Variants in MTIF3 observed in about 807,000 individuals in gnomAD.
The protein encoded by MTIF3 is mitochondrial translational initiation factor 3.
MTIF3 carries 13 observed loss-of-function variants against 20.7 expected under a neutral mutation model. That is an observed-to-expected ratio of 0.63 (90% CI 0.41 to 1.00). MTIF3 has a LOEUF of 1.00. Ranked by LOEUF, MTIF3 falls within the 50% of genes least tolerant of loss-of-function variation. MTIF3 has a pLI of 0.00. For missense variants in MTIF3, 295 were observed against 324.5 expected (o/e 0.91, Z 0.70); for synonymous variants, 114 against 112.5 (o/e 1.01, Z -0.08).
At chr13:27,438,010 C>G (rs1413382234) in intron 3 of MTIF3, among the ~76,000 whole-genome samples, 1 of 152,006 alleles carries the variant, frequency 6.6e-6, no homozygotes, top group East Asian at 1.9e-4. Flanking sequence ...GGAGAAAAAC[C>G]ATCTACGTAG....
chr13:27,438,966 C>T (rs1010973182), intron 3 of MTIF3, among the ~76,000 whole-genome samples: 44 of 152,198 alleles, frequency 2.9e-4, no homozygotes, highest in African/African-American at 1.1e-3. Context: ...GTGCTGGGAG[C>T]AGTCATCTGA....
At chr13:27,444,283 C>G (rs897985945) in intron 2 of MTIF3, among the ~76,000 whole-genome samples, 1 of 150,028 alleles carries the variant, frequency 6.7e-6, no homozygotes, top group Non-Finnish European at 1.5e-5. Flanking sequence ...CCAGCCTGGG[C>G]GACAGAGCGA....
Position 27,435,702 on chromosome 13 carries a change from A to T in MTIF3, c.810T>A (p.Asp270Glu). ...ACTGATGCAGAACATTTGATTCCTT[A>T]TCATTTCCATGGTCTTTGTTCAAAG... ...RDTLNKDHGN[D>E]KESNVLHQ The change falls in exon 5 of 5, where the codon GAT becomes GAA. Residue 270 changes from aspartate to glutamate, a missense_variant. Coordinates refer to ENST00000381120, the MANE Select transcript of MTIF3 (RefSeq NM_152912.5). 6.2e-7 allele frequency: 1 copy of T among 1,614,084 alleles called. No homozygotes were observed. Among genetic ancestry groups the T allele is most frequent in the South Asian group, 1.1e-5 (1 of 91,090 alleles).
At chr13:27,438,212 G>T (rs1953856506) in intron 3 of MTIF3, among the ~76,000 whole-genome samples, 1 of 151,104 alleles carries the variant, frequency 6.6e-6, no homozygotes, top group South Asian at 2.1e-4. Context: ...TGGGGGCCAG[G>T]TGTGCTGGCT....
chr13:27,445,486 A>C (rs1019622268), intron 1 of MTIF3, among the ~76,000 whole-genome samples: 2 of 152,152 alleles, frequency 1.3e-5, no homozygotes, highest in Non-Finnish European at 2.9e-5. Flanking sequence ...AAAAAAAAAA[A>C]AAGAAAATCA....
intron 2 of MTIF3, among the ~76,000 whole-genome samples, chr13:27,443,428 TA>T (rs1789558820): frequency 6.6e-6 from 1 of 152,234 alleles, no homozygotes; most frequent in Non-Finnish European, 1.5e-5. Flanking sequence ...GGTATTCTGC[TA>T]GGGGACTCTT....
intron 4 of MTIF3, among the ~76,000 whole-genome samples, chr13:27,436,808 G>A (rs1369086588): frequency 7.1e-6 from 1 of 140,944 alleles, no homozygotes; most frequent in African/African-American, 2.8e-5. Flanking sequence ...CTGGAGTGCA[G>A]TGGCGCGATC....
At chr13:27,438,129 C>A (rs12018313) in intron 3 of MTIF3, among the ~76,000 whole-genome samples, 20,085 of 152,006 alleles carry the variant, frequency 0.13, 1,715 homozygotes, top group Non-Finnish European at 0.18. Context: ...AAACTGCATA[C>A]ACTGCTGCTG....
intron 4 of MTIF3, among the ~76,000 whole-genome samples, chr13:27,436,872 T>C (rs1027553948): frequency 2.7e-5 from 4 of 149,454 alleles, no homozygotes; most frequent in Admixed American, 6.7e-5. Flanking sequence ...CTGCCTCAGC[T>C]TCCCCAGTAG....
Position 27,437,205 on chromosome 13 carries a change from T to TA in MTIF3, c.528dup (p.Lys177Ter), listed in dbSNP as rs1220539939. The TA allele has an allele frequency of 6.2e-7, 1 of 1,614,128 alleles. No homozygotes were observed. Among genetic ancestry groups the TA allele is most frequent in the Admixed American group, 1.7e-5 (1 of 60,032 alleles). ...TTCTTAATCCACTGCTGAATCTGTT[T>TA]AGTCTTTGTGTCCAAATCATGTTGT... On this transcript the variant is annotated frameshift_variant, in exon 4 of 5. Transcript: ENST00000381120. LOFTEE classifies it high-confidence loss of function.
chr13:27,446,087 C>T (rs559711811), intron 1 of MTIF3, among the ~76,000 whole-genome samples: 2 of 151,932 alleles, frequency 1.3e-5, no homozygotes, highest in East Asian at 1.9e-4. Context: ...GACAGGTTCT[C>T]ACTCTGTCAC....
At chr13:27,450,209 T>TGCGC in intron 1 of MTIF3, 1 of 152,430 alleles carries the variant, frequency 6.6e-6, no homozygotes, top group South Asian at 2.1e-4. Context: ...CGTGCGTGCG[T>TGCGC]GCGCACAAAC....
At chr13:27,444,146 TA>T (rs1954093947) in intron 2 of MTIF3, among the ~76,000 whole-genome samples, 1 of 151,824 alleles carries the variant, frequency 6.6e-6, no homozygotes, top group Non-Finnish European at 1.5e-5. Context: ...TACTAAAAAA[TA>T]AAATAAAAAT....
At chr13:27,443,133 G>C (rs9579083) in intron 2 of MTIF3, among the ~76,000 whole-genome samples, 21,607 of 152,246 alleles carry the variant, frequency 0.14, 1,848 homozygotes, top group Non-Finnish European at 0.18. Flanking sequence ...ATGCCCGTCA[G>C]TAATGGTGAG....
At chr13:27,445,504 T>C (rs964950768) in intron 1 of MTIF3, among the ~76,000 whole-genome samples, 1 of 151,994 alleles carries the variant, frequency 6.6e-6, no homozygotes, top group African/African-American at 2.4e-5. Flanking sequence ...TCACCATTTT[T>C]CCAACCCCAA....
chr13:27,440,314 T>C lies in MTIF3; in HGVS notation c.135A>G (p.Arg45=), dbSNP rs1953961064. ...CTTTTGCATGAATTAGGAAGGAGAGTCTTGGGGCAGAAGCAATAGGGGACA... is the reference window on the plus strand; with the variant it reads ...CTTTTGCATGAATTAGGAAGGAGAGCCTTGGGGCAGAAGCAATAGGGGACA... The part of the protein sequence containing the change: ...AQLSPIASAP[R]LSFLIHAKAF... Residue 45 remains arginine, a synonymous_variant, in exon 3 of 5, where the codon AGA becomes AGG. Coordinates refer to ENST00000381120, the MANE Select transcript of MTIF3 (RefSeq NM_152912.5). The C allele has an allele frequency of 6.2e-7, 1 of 1,613,910 alleles. No homozygotes were observed. Among genetic ancestry groups the C allele is most frequent in the South Asian group, 1.1e-5 (1 of 91,060 alleles).
chr13:27,438,560 A>G (rs898088860), intron 3 of MTIF3, among the ~76,000 whole-genome samples: 2 of 141,778 alleles, frequency 1.4e-5, no homozygotes, highest in Non-Finnish European at 3.0e-5. Context: ...TGGCATGATC[A>G]TGGTTCTTCA....
intron 2 of MTIF3, among the ~76,000 whole-genome samples, chr13:27,440,765 T>C (rs1027477476): frequency 6.6e-6 from 1 of 152,068 alleles, no homozygotes; most frequent in African/African-American, 2.4e-5. Context: ...TTTGACTACT[T>C]AGTTGACCCC....
At chr13:27,447,058 T>C (rs912401461) in intron 1 of MTIF3, among the ~76,000 whole-genome samples, 2 of 152,214 alleles carry the variant, frequency 1.3e-5, no homozygotes, top group African/African-American at 4.8e-5. Flanking sequence ...AATTTTTTGC[T>C]AGTGAACGGT....
Sources: allele counts gnomAD v4.1 joint callset (sites outside exome capture counted in the v4.1 genomes callset), GRCh38; gene constraint gnomAD v4.1.1; transcripts MANE v1.5; gene names NCBI Gene and HGNC (gene_info 2026-07-23, HGNC 2026-07-21).